Variants in FRMPD4 observed in about 807,000 individuals in gnomAD.
The protein encoded by FRMPD4 is FERM and PDZ domain-containing protein 4.
In FRMPD4, 22 loss-of-function variants were observed where a neutral mutation model predicts 94.1. The ratio of observed to expected loss-of-function variants is 0.23; its 90% CI spans 0.17 to 0.33. The LOEUF is 0.33. FRMPD4 is among the 10% of genes least tolerant of loss of function. FRMPD4 has a pLI of 1.00. For missense variants in FRMPD4, 1,111 were observed against 1,339.9 expected (o/e 0.83, Z 2.67); for synonymous variants, 631 against 548.6 (o/e 1.15, Z -2.10).
At chrX:12,448,546 C>A (rs971834479) in intron 1 of FRMPD4, among the ~76,000 whole-genome samples, 3 of 112,035 alleles carry the variant, frequency 2.7e-5, no homozygotes, top group African/African-American at 9.7e-5. Context: ...TTGAGTTAAG[C>A]AATCTTTGGC....
chrX:12,712,400 T>C (rs1481055324), intron 14 of FRMPD4, among the ~76,000 whole-genome samples: 1 of 110,474 alleles, frequency 9.1e-6, no homozygotes, highest in Non-Finnish European at 1.9e-5. Context: ...AATATAAAAA[T>C]TAGCCAGGTG....
intron 1 of FRMPD4, among the ~76,000 whole-genome samples, chrX:12,193,798 G>A (rs766232319): frequency 0.23 from 4,832 of 20,970 alleles, 923 homozygotes; most frequent in African/African-American, 0.38. Flanking sequence ...AAGGAAGGAA[G>A]GAAGGAAGGA....
intron 3 of FRMPD4, among the ~76,000 whole-genome samples, chrX:11,901,940 G>A (rs937969644): frequency 2.7e-5 from 3 of 111,401 alleles, no homozygotes; most frequent in African/African-American, 9.8e-5. Flanking sequence ...TGCCTGCTTC[G>A]TGATGGGATT....
chrX:11,827,692 C>T (rs954510896), intron 1 of FRMPD4, among the ~76,000 whole-genome samples: 18 of 111,829 alleles, frequency 1.6e-4, no homozygotes, highest in South Asian at 3.8e-4. Flanking sequence ...GTGCCTGTGA[C>T]GGATTCATTC....
At chrX:12,547,896 G>T (rs921907714) in intron 2 of FRMPD4, among the ~76,000 whole-genome samples, 3 of 111,951 alleles carry the variant, frequency 2.7e-5, no homozygotes, top group Non-Finnish European at 5.6e-5. Flanking sequence ...CTAAGATCGG[G>T]AGTTCTAACT....
chrX:12,159,623 T>C (rs946894180), intron 1 of FRMPD4, among the ~76,000 whole-genome samples: 2 of 112,154 alleles, frequency 1.8e-5, no homozygotes, highest in Non-Finnish European at 3.8e-5. Flanking sequence ...ATCTCTTTTA[T>C]GTTGGAGAAG....
chrX:12,532,944 G>A (rs982771762), intron 2 of FRMPD4, among the ~76,000 whole-genome samples: 1 of 112,430 alleles, frequency 8.9e-6, no homozygotes, highest in Non-Finnish European at 1.9e-5. Flanking sequence ...TTATGTTTTA[G>A]TATAATAAAT....
chrX:12,509,068 C>A (rs748895100), intron 2 of FRMPD4, among the ~76,000 whole-genome samples: 2 of 102,534 alleles, frequency 2.0e-5, no homozygotes, highest in African/African-American at 3.6e-5. Flanking sequence ...TGGCCATAAT[C>A]AAAAAACCAA....
At chrX:12,489,883 G>A (rs190455587) in intron 1 of FRMPD4, among the ~76,000 whole-genome samples, 194 of 111,630 alleles carry the variant, frequency 1.7e-3, no homozygotes, top group African/African-American at 5.8e-3. Context: ...CCAGGACAAC[G>A]TCCAGGTTGG....
In FRMPD4 at chrX:12,193,820, AAGGAAGGAGGGAAGGAAG is replaced by A. The variant is rs2056529400; in HGVS notation, c.41+54810_41+54827del. ...GAAGGAAGGAAGGAAGGAAGGAAGG[AAGGAAGGAGGGAAGGAAG>A]AAAGAAAAGAAAGAAAAAGGAAGGA... On this transcript the variant is annotated intron_variant, in intron 1 of 16. Transcript: ENST00000675598. Among the ~76,000 whole-genome samples, 2 of 47,745 alleles carry A rather than the reference AAGGAAGGAGGGAAGGAAG, an allele frequency of 4.2e-5. 1 individual carries two copies. Among genetic ancestry groups the A allele is most frequent in the East Asian group, 6.6e-3 (2 of 304 alleles). 41.5% of individuals were successfully genotyped at this position (47,745 alleles called of 115,157 possible).
chrX:11,992,224 TG>T (rs2054468973), intron 3 of FRMPD4, among the ~76,000 whole-genome samples: 1 of 111,771 alleles, frequency 8.9e-6, no homozygotes, highest in Admixed American at 9.5e-5. Context: ...ATGAGCAATA[TG>T]GGCGCATCAG....
intron 3 of FRMPD4, among the ~76,000 whole-genome samples, chrX:11,946,171 T>C (rs2054187933): frequency 8.9e-6 from 1 of 111,868 alleles, no homozygotes; most frequent in Admixed American, 9.5e-5. Flanking sequence ...ATCTAACCCA[T>C]GTGAGGTCAT....
At chrX:12,092,263 T>C (rs1000069874) in intron 3 of FRMPD4, among the ~76,000 whole-genome samples, 3 of 111,663 alleles carry the variant, frequency 2.7e-5, no homozygotes, top group Admixed American at 9.5e-5. Context: ...GAGAGATTGA[T>C]AGACATATAT....
At chrX:12,501,002 T>G (rs181857058) in intron 2 of FRMPD4, among the ~76,000 whole-genome samples, 171 of 112,294 alleles carry the variant, frequency 1.5e-3, no homozygotes, top group African/African-American at 5.3e-3. Context: ...TTTCCCCTGG[T>G]TGGATTTGGG....
chrX:12,544,002 C>G (rs1350550985), intron 2 of FRMPD4, among the ~76,000 whole-genome samples: 2 of 106,787 alleles, frequency 1.9e-5, no homozygotes, highest in Non-Finnish European at 3.8e-5. Context: ...AACCAAACAC[C>G]ACATGTTCTC....
chrX:12,150,201 G>C (rs2055828263), intron 1 of FRMPD4, among the ~76,000 whole-genome samples: 1 of 112,048 alleles, frequency 8.9e-6, no homozygotes, highest in Non-Finnish European at 1.9e-5. Context: ...TAAATATTTG[G>C]CGAATTGTGA....
At chrX:12,651,385 A>G (rs2059594478) in intron 4 of FRMPD4, among the ~76,000 whole-genome samples, 2 of 108,688 alleles carry the variant, frequency 1.8e-5, no homozygotes, top group Admixed American at 2.0e-4. Flanking sequence ...AATAATAAAA[A>G]GAACTGGAAT....
chrX:12,077,091 G>C (rs1345471813), intron 3 of FRMPD4, among the ~76,000 whole-genome samples: 2 of 110,771 alleles, frequency 1.8e-5, no homozygotes, highest in African/African-American at 6.6e-5. Flanking sequence ...GATTTTACAG[G>C]GCTTATGTTT....
At chrX:12,265,726 C>G (rs1212286431) in intron 1 of FRMPD4, among the ~76,000 whole-genome samples, 1 of 108,249 alleles carries the variant, frequency 9.2e-6, no homozygotes, top group Non-Finnish European at 1.9e-5. Context: ...CAGTTTTAAA[C>G]TTGGGTGATT....
Sources: allele counts gnomAD v4.1 joint callset (sites outside exome capture counted in the v4.1 genomes callset), GRCh38; gene constraint gnomAD v4.1.1; transcripts MANE v1.5; gene names NCBI Gene and HGNC (gene_info 2026-07-23, HGNC 2026-07-21).